Variants in ARHGEF28 observed in about 807,000 individuals in gnomAD.
ARHGEF28 encodes the protein Rho guanine nucleotide exchange factor 28, also known as 190 kDa guanine nucleotide exchange factor.
ARHGEF28 carries 152 observed loss-of-function variants against 206.6 expected under a neutral mutation model. The observed-to-expected ratio is 0.74, with a 90% CI of 0.64 to 0.84. The LOEUF (loss-of-function observed/expected upper bound fraction) is 0.84, where lower values mean the gene tolerates loss of function less well. Among genes scored for constraint, ARHGEF28 ranks in the 40% least tolerant of loss-of-function variants. The pLI, the probability that ARHGEF28 is intolerant of heterozygous loss-of-function variation, is 0.00. For missense variants in ARHGEF28, 2,028 were observed against 2,073.2 expected (o/e 0.98, Z 0.42); for synonymous variants, 763 against 776.4 (o/e 0.98, Z 0.29).
rs546629574 is a variant in ARHGEF28, at chr5:73,844,281, G to A, written c.1428-1987G>A. Among the ~76,000 whole-genome samples, 225 of 152,198 alleles carry A rather than the reference G, an allele frequency of 1.5e-3. 2 individuals carry two copies. Among genetic ancestry groups the A allele is most frequent in the African/African-American group, 5.3e-3 (219 of 41,528 alleles). ...TTGTGTTAAAATCGGATATTATTGC[G>A]GGCTGCCAATCATTTGAAGAACTAT... On this transcript the variant is annotated intron_variant, in intron 11 of 35. Transcript: ENST00000513042.
intron 1 of ARHGEF28, among the ~76,000 whole-genome samples, chr5:73,669,934 G>A (rs1483208245): frequency 5.3e-5 from 8 of 152,182 alleles, no homozygotes; most frequent in Non-Finnish European, 1.2e-4. Context: ...TGGTCCACCC[G>A]CTTTGGCCTC....
At position 73,801,425 on chromosome 5, in the gene ARHGEF28, C is replaced by T. The variant is rs1755126336; in HGVS notation, c.1024+6034C>T. ...TCGCACCACTGCACTCCAGCCTGGGCAACAGAGCGAGACTCCATCTCAAAA... is the reference window on the plus strand; with the variant it reads ...TCGCACCACTGCACTCCAGCCTGGGTAACAGAGCGAGACTCCATCTCAAAA... On this transcript the variant is annotated intron_variant, in intron 9 of 35. Transcript: ENST00000513042. Among the ~76,000 whole-genome samples the T allele has an allele frequency of 2.0e-5, 3 of 151,204 alleles. No homozygotes were observed. The South Asian group carries it at 6.3e-4, about 32-fold the overall frequency.
At chr5:73,795,110 G>T (rs893322419) in intron 8 of ARHGEF28, among the ~76,000 whole-genome samples, 5 of 152,188 alleles carry the variant, frequency 3.3e-5, no homozygotes, top group African/African-American at 1.2e-4. Context: ...AATAACCTGT[G>T]TACAGCTTTC....
At chr5:73,641,180 C>A (rs541736494) in intron 1 of ARHGEF28, among the ~76,000 whole-genome samples, 7 of 152,312 alleles carry the variant, frequency 4.6e-5, no homozygotes, top group African/African-American at 1.7e-4. Context: ...AACCACAAAT[C>A]CCTCTTTCAG....
At chr5:73,633,824 C>T (rs1434546888) in intron 1 of ARHGEF28, among the ~76,000 whole-genome samples, 4 of 151,912 alleles carry the variant, frequency 2.6e-5, no homozygotes, top group African/African-American at 9.7e-5. Context: ...TGATCTACCC[C>T]CGTTGGCCTC....
intron 1 of ARHGEF28, among the ~76,000 whole-genome samples, chr5:73,674,712 C>G (rs12516123): frequency 0.5 from 75,507 of 152,018 alleles, 19,318 homozygotes; most frequent in East Asian, 0.78. Context: ...AGCTCCACCC[C>G]CCAACCTCTG....
In ARHGEF28 at chr5:73,805,698, T is replaced by C. The variant is rs141139333; in HGVS notation, c.1024+10307T>C. Reference sequence around the variant, plus strand: ...TGTGGTAACAGATTAGAGTTGTAGATATCAGCATGCACTCATGTTCAGTTA... The same window carrying C: ...TGTGGTAACAGATTAGAGTTGTAGACATCAGCATGCACTCATGTTCAGTTA... On this transcript the variant is annotated intron_variant, in intron 9 of 35. Coordinates refer to ENST00000513042, the MANE Select transcript of ARHGEF28 (RefSeq NM_001177693.2). Among the ~76,000 whole-genome samples, 842 of 152,286 alleles carry C rather than the reference T, an allele frequency of 5.5e-3. 11 individuals carry two copies. The highest frequency in any genetic ancestry group is 0.019 in the African/African-American group (782 of 41,554).
intron 26 of ARHGEF28, among the ~76,000 whole-genome samples, chr5:73,889,411 G>C (rs887571591): frequency 1.3e-5 from 2 of 152,226 alleles, no homozygotes; most frequent in Non-Finnish European, 2.9e-5. Context: ...AATTGGGGCA[G>C]AGCCCAAACC....
In ARHGEF28 at chr5:73,633,613, A is replaced by G. The variant is rs543006422; in HGVS notation, c.-12+7291A>G. On this transcript the variant is annotated intron_variant, in intron 1 of 35. Coordinates refer to ENST00000513042, the MANE Select transcript of ARHGEF28 (RefSeq NM_001177693.2). Reference sequence around the variant, plus strand: ...TTTTTTTGAGACAGAGTCTCGTTCCATCACCCAGGCTGGAGTGCAGTGGTG... The same window carrying G: ...TTTTTTTGAGACAGAGTCTCGTTCCGTCACCCAGGCTGGAGTGCAGTGGTG... Among the ~76,000 whole-genome samples, 4 of 122,570 alleles carry G rather than the reference A, an allele frequency of 3.3e-5. No homozygotes were observed. The South Asian group carries it at 7.3e-4, about 22-fold the overall frequency. 80.4% of individuals were successfully genotyped at this position (122,570 alleles called of 152,430 possible).
intron 9 of ARHGEF28, among the ~76,000 whole-genome samples, chr5:73,818,401 C>T (rs1049719774): frequency 3.9e-5 from 6 of 151,994 alleles, no homozygotes; most frequent in African/African-American, 7.3e-5. Flanking sequence ...CTTTCCCTTC[C>T]TCCCTTTTGT....
chr5:73,899,748 GACA>G (rs1762159978), intron 30 of ARHGEF28: 2 of 152,194 alleles, frequency 1.3e-5, no homozygotes, highest in Non-Finnish European at 2.9e-5. Flanking sequence ...AAGCCAAGCA[GACA>G]GCTCTATTTT....
intron 35 of ARHGEF28, among the ~76,000 whole-genome samples, chr5:73,937,277 G>T (rs1006066384): frequency 2.6e-5 from 4 of 152,168 alleles, no homozygotes; most frequent in Admixed American, 1.3e-4. Context: ...CCCCCACGGT[G>T]GTCCTCATAA....
At chr5:73,764,989 A>C (rs1752817926) in intron 4 of ARHGEF28, among the ~76,000 whole-genome samples, 1 of 152,114 alleles carries the variant, frequency 6.6e-6, no homozygotes, top group Non-Finnish European at 1.5e-5. Context: ...GTAAATTTTT[A>C]ATAATTTTTT....
At chr5:73,874,588 T>C (rs1373146273) in intron 22 of ARHGEF28, among the ~76,000 whole-genome samples, 3 of 103,918 alleles carry the variant, frequency 2.9e-5, no homozygotes, top group Non-Finnish European at 3.6e-5. Flanking sequence ...CCCACAACAG[T>C]CCCCAGAGTG....
intron 2 of ARHGEF28, among the ~76,000 whole-genome samples, chr5:73,747,257 T>C (rs1400670474): frequency 1.3e-5 from 2 of 152,186 alleles, no homozygotes; most frequent in Non-Finnish European, 2.9e-5. Context: ...GATGGGGAAC[T>C]GAAAGAGATA....
At chr5:73,652,523 G>T (rs1486423163) in intron 1 of ARHGEF28, among the ~76,000 whole-genome samples, 1 of 152,156 alleles carries the variant, frequency 6.6e-6, no homozygotes, top group Admixed American at 6.5e-5. Context: ...GCTAGGCAGG[G>T]TGGGGCCACA....
chr5:73,730,758 T>A (rs80103087), intron 2 of ARHGEF28, among the ~76,000 whole-genome samples: 3,765 of 152,136 alleles, frequency 0.025, 148 homozygotes, highest in African/African-American at 0.086. Flanking sequence ...TTGGAACTGT[T>A]TTGAAGGTTG....
intron 2 of ARHGEF28, among the ~76,000 whole-genome samples, chr5:73,739,986 T>TAGTG (rs1751273885): frequency 6.8e-6 from 1 of 146,842 alleles, no homozygotes; most frequent in Non-Finnish European, 1.5e-5. Context: ...CTGGGCAACA[T>TAGTG]AGTGAGACTT....
intron 9 of ARHGEF28, among the ~76,000 whole-genome samples, chr5:73,830,886 A>G (rs1757254384): frequency 1.3e-5 from 2 of 152,134 alleles, no homozygotes; most frequent in Non-Finnish European, 2.9e-5. Flanking sequence ...AGGCAGTGGG[A>G]CATGTGACAT....
Sources: allele counts gnomAD v4.1 joint callset (sites outside exome capture counted in the v4.1 genomes callset), GRCh38; gene constraint gnomAD v4.1.1; transcripts MANE v1.5; gene names NCBI Gene and HGNC (gene_info 2026-07-23, HGNC 2026-07-21).